CBLN2: variants seen among roughly 807,000 people sequenced by gnomAD.
The protein encoded by CBLN2 is cerebellin-2.
In CBLN2, 7 loss-of-function variants were observed where a neutral mutation model predicts 15.0. The ratio of observed to expected loss-of-function variants is 0.47; its 90% CI spans 0.27 to 0.88. The LOEUF (loss-of-function observed/expected upper bound fraction) is 0.88. Ranked by LOEUF, CBLN2 falls within the 40% of genes least tolerant of loss-of-function variation. CBLN2 has a pLI of 0.14. For missense variants in CBLN2, 242 were observed against 304.5 expected, an observed-to-expected ratio of 0.79 and a Z score of 1.53; for synonymous variants, 149 against 135.2, an observed-to-expected ratio of 1.10 and a Z score of -0.71.
intron 1 of CBLN2, among the ~76,000 whole-genome samples, chr18:72,628,404 T>C (rs1026769614): frequency 6.6e-6 from 1 of 152,106 alleles, no homozygotes; most frequent in African/African-American, 2.4e-5. Context: ...ACAAAAAAAT[T>C]GACAGAGGGA....
chr18:72,561,337 A>AATATT (rs2144893833), intron 1 of CBLN2, among the ~76,000 whole-genome samples: 1 of 152,192 alleles, frequency 6.6e-6, no homozygotes, highest in Admixed American at 6.5e-5. Flanking sequence ...AGTAAAATAC[A>AATATT]ATATTATATG....
chr18:72,602,260 A>G (rs1227179226), intron 1 of CBLN2, among the ~76,000 whole-genome samples: 2 of 152,220 alleles, frequency 1.3e-5, no homozygotes, highest in African/African-American at 4.8e-5. Flanking sequence ...CACACAGGCC[A>G]CTGCAATAAG....
At chr18:72,588,308 A>T (rs2069456469) in intron 1 of CBLN2, among the ~76,000 whole-genome samples, 1 of 152,222 alleles carries the variant, frequency 6.6e-6, no homozygotes, top group Non-Finnish European at 1.5e-5. Context: ...AGGTTTATTC[A>T]CCCACTGAAT....
intron 1 of CBLN2, chr18:72,618,321 G>A: frequency 2.2e-6 from 1 of 450,638 alleles, no homozygotes; most frequent in Non-Finnish European, 4.2e-6. Flanking sequence ...GCTCTTCATT[G>A]GAGGGTTGAG....
At chr18:72,560,030 G>A (rs2069250186) in intron 1 of CBLN2, among the ~76,000 whole-genome samples, 1 of 152,102 alleles carries the variant, frequency 6.6e-6, no homozygotes, top group Non-Finnish European at 1.5e-5. Context: ...ACCCAGGAAG[G>A]AGCTCATCAA....
chr18:72,568,558 CTAAAAAAACTAAAA>C (rs1363074684), intron 1 of CBLN2, among the ~76,000 whole-genome samples: 1 of 150,872 alleles, frequency 6.6e-6, no homozygotes, highest in Non-Finnish European at 1.5e-5. Context: ...ATTACATAAA[CTAAAAAAACTAAAA>C]TAAAAAATAA....
chr18:72,555,126 T>C (rs970389672), intron 1 of CBLN2, among the ~76,000 whole-genome samples: 4 of 149,160 alleles, frequency 2.7e-5, no homozygotes, highest in African/African-American at 4.9e-5. Flanking sequence ...CAGAACGAGA[T>C]TCTGTCTTTA....
chr18:72,614,489 T>C lies in CBLN2; in HGVS notation c.15+23836A>G, dbSNP rs1415621901. On this transcript the variant is annotated intron_variant, in intron 1 of 2. Coordinates refer to the CBLN2 transcript ENST00000581073. ...AAATTTTTTGGTGTACATTAGGACT[T>C]CTTTACAGAACAAATTATGTGGAAA... is the stretch of plus-strand genomic sequence containing the variant. 2.0e-5 allele frequency among the ~76,000 whole-genome samples: 3 copies of C among 152,300 alleles called. No individual in the cohort carries two copies. The East Asian group carries it at 5.8e-4, about 29-fold the overall frequency.
chr18:72,635,578 T>G (rs2144984438), intron 1 of CBLN2, among the ~76,000 whole-genome samples: 1 of 152,262 alleles, frequency 6.6e-6, no homozygotes, highest in Middle Eastern at 3.4e-3. Flanking sequence ...GAGCAGACAT[T>G]TTTAGAAAAA....
At chr18:72,619,248 C>G in intron 1 of CBLN2, 1 of 916,664 alleles carries the variant, frequency 1.1e-6, no homozygotes, top group Non-Finnish European at 1.7e-6. Flanking sequence ...CAAAGCTTAG[C>G]AGGAGAGGAG....
intron 1 of CBLN2, among the ~76,000 whole-genome samples, chr18:72,633,222 A>T (rs981769795): frequency 5.3e-5 from 8 of 152,172 alleles, no homozygotes; most frequent in African/African-American, 1.9e-4. Context: ...CAAATTTTGC[A>T]AAGCAGACTT....
intron 1 of CBLN2, among the ~76,000 whole-genome samples, chr18:72,575,292 C>A (rs916557499): frequency 6.6e-6 from 1 of 152,026 alleles, no homozygotes; most frequent in Non-Finnish European, 1.5e-5. Context: ...TCAAGATCAT[C>A]AGAAGAGAGG....
intron 1 of CBLN2, among the ~76,000 whole-genome samples, chr18:72,635,269 A>AT (rs2069804607): frequency 6.6e-6 from 1 of 152,128 alleles, no homozygotes; most frequent in Admixed American, 6.6e-5. Context: ...GTCAACAAAT[A>AT]TTTTTTTCGA....
In CBLN2 at chr18:72,536,978, C is replaced by A. The variant is rs2069067604; in HGVS notation, c.*1198G>T. On this transcript the variant is annotated 3_prime_UTR_variant, in exon 5 of 5. Coordinates refer to ENST00000269503, the MANE Select transcript of CBLN2 (RefSeq NM_182511.4). Reference sequence around the variant, plus strand: ...CAGGTGGCTTCTCGCCAGGTGCATGCAGGAGAGTGTCAATGCATCCCTTTC... The same window carrying A: ...CAGGTGGCTTCTCGCCAGGTGCATGAAGGAGAGTGTCAATGCATCCCTTTC... 1 of 152,684 alleles carries A rather than the reference C, an allele frequency of 6.5e-6. No homozygotes were observed. 9.5% of individuals were successfully genotyped at this position (152,684 alleles called of 1,614,324 possible). A position where few individuals can be genotyped will look rare whatever the true frequency, so the allele number is the denominator to read the frequency against.
intron 1 of CBLN2, among the ~76,000 whole-genome samples, chr18:72,633,958 C>T (rs374140534): frequency 1.3e-5 from 2 of 152,010 alleles, no homozygotes; most frequent in East Asian, 3.9e-4. Context: ...AAAGAGCAAT[C>T]ACACAGGGGA....
intron 1 of CBLN2, among the ~76,000 whole-genome samples, chr18:72,592,221 T>A (rs1345265123): frequency 6.6e-6 from 1 of 152,140 alleles, no homozygotes; most frequent in Non-Finnish European, 1.5e-5. Context: ...TATCTCATTG[T>A]AGTTTTTGTT....
At chr18:72,580,539 A>G (rs1305253922) in intron 1 of CBLN2, among the ~76,000 whole-genome samples, 1 of 152,186 alleles carries the variant, frequency 6.6e-6, no homozygotes, top group Non-Finnish European at 1.5e-5. Flanking sequence ...ACATTCCTAC[A>G]TATTATAGTA....
At chr18:72,548,094 G>T (rs1457615029), upstream of CBLN2, among the ~76,000 whole-genome samples, 4 of 152,166 alleles carry the variant, frequency 2.6e-5, no homozygotes, top group East Asian at 7.7e-4. Flanking sequence ...AGATCTGAGT[G>T]TGGTATCGGT....
At position 72,537,461 on chromosome 18, in the gene CBLN2, C is replaced by T. The variant is rs1380979050; in HGVS notation, c.*715G>A. 6.6e-6 allele frequency: 1 copy of T among 152,404 alleles called. No homozygotes were observed. 9.4% of individuals were successfully genotyped at this position (152,404 alleles called of 1,614,324 possible). On this transcript the variant is annotated 3_prime_UTR_variant, in exon 5 of 5. Transcript: ENST00000269503. ...GAATTCTATATTTTCTCTCCTCAAC[C>T]CCAGCAAGAAAAATAAAAGTGGGGT...
Sources: allele counts gnomAD v4.1 joint callset (sites outside exome capture counted in the v4.1 genomes callset), GRCh38; gene constraint gnomAD v4.1.1; transcripts MANE v1.5; gene names NCBI Gene and HGNC (gene_info 2026-07-23, HGNC 2026-07-21).